The following TMEM132D variants were observed in gnomAD, a reference collection of about 807,000 sequenced individuals.
TMEM132D encodes mature OL transmembrane protein.
Under a neutral mutation model 62.3 loss-of-function variants are expected in TMEM132D, and 21 were observed. That is an observed-to-expected ratio of 0.34 (90% CI 0.24 to 0.49). TMEM132D has a LOEUF of 0.49. Ranked by LOEUF, TMEM132D falls within the 20% of genes least tolerant of loss-of-function variation. The probability of loss-of-function intolerance (pLI) is 0.99; values close to 1 mark genes in which losing one functional copy is unlikely to be tolerated. For missense variants in TMEM132D, 1,346 were observed against 1,402.8 expected (o/e 0.96, Z 0.65); for synonymous variants, 621 against 575.6 (o/e 1.08, Z -1.13).
At chr12:129,122,694 C>T (rs573228515) in intron 5 of TMEM132D, among the ~76,000 whole-genome samples, 11 of 152,324 alleles carry the variant, frequency 7.2e-5, no homozygotes, top group Admixed American at 6.5e-4. Context: ...ACATGAATTC[C>T]TTCTCATCAA....
At chr12:129,458,670 G>A (rs1195399831) in intron 3 of TMEM132D, among the ~76,000 whole-genome samples, 1 of 152,170 alleles carries the variant, frequency 6.6e-6, no homozygotes, top group Non-Finnish European at 1.5e-5. Flanking sequence ...AATAGTCCAG[G>A]AAATTGGCAG....
intron 3 of TMEM132D, among the ~76,000 whole-genome samples, chr12:129,482,615 G>A: frequency 6.6e-6 from 1 of 152,108 alleles, no homozygotes; most frequent in East Asian, 1.9e-4. Flanking sequence ...TACTACTCTG[G>A]TAATTAAAGA....
Position 129,127,375 on chromosome 12 carries a change from T to A in TMEM132D, c.1444-42673A>T, listed in dbSNP as rs1316461613. Among the ~76,000 whole-genome samples the A allele has an allele frequency of 2.0e-5, 3 of 152,300 alleles. No homozygotes were observed. In the East Asian group the frequency reaches 5.8e-4, roughly 29 times the overall value. On this transcript the variant is annotated intron_variant, in intron 5 of 8. Coordinates refer to ENST00000422113, the MANE Select transcript of TMEM132D (RefSeq NM_133448.3). ...AACTCCAGAGCAGCTGAGGCTAATT[T>A]CATTATAGTGGCTGGGACTCAATTA...
chr12:129,767,015 G>T (rs1870576558), intron 1 of TMEM132D, among the ~76,000 whole-genome samples: 1 of 152,206 alleles, frequency 6.6e-6, no homozygotes, highest in Admixed American at 6.5e-5. Flanking sequence ...CCCCTGGGCT[G>T]TTGCTCTCTG....
At chr12:129,533,781 A>G (rs1876298372) in intron 2 of TMEM132D, among the ~76,000 whole-genome samples, 1 of 151,252 alleles carries the variant, frequency 6.6e-6, no homozygotes, top group Non-Finnish European at 1.5e-5. Flanking sequence ...GGAATTTTAT[A>G]CAGGACACTG....
intron 1 of TMEM132D, among the ~76,000 whole-genome samples, chr12:129,749,374 A>G (rs889160719): frequency 6.6e-6 from 1 of 152,184 alleles, no homozygotes; most frequent in Non-Finnish European, 1.5e-5. Flanking sequence ...TAAAACTTTC[A>G]TGAACTGTCA....
chr12:129,683,812 C>A (rs1376840504), intron 2 of TMEM132D, among the ~76,000 whole-genome samples: 1 of 152,194 alleles, frequency 6.6e-6, no homozygotes, highest in Non-Finnish European at 1.5e-5. Flanking sequence ...TCCTTGCCCA[C>A]TCGAATCTGC....
At chr12:129,844,468 T>C (rs974023447) in intron 1 of TMEM132D, among the ~76,000 whole-genome samples, 1 of 152,160 alleles carries the variant, frequency 6.6e-6, no homozygotes, top group Admixed American at 6.5e-5. Flanking sequence ...ACAAATGTAA[T>C]CCCAATGTTT....
chr12:129,771,780 G>A (rs1470829173), intron 1 of TMEM132D, among the ~76,000 whole-genome samples: 1 of 152,208 alleles, frequency 6.6e-6, no homozygotes, highest in African/African-American at 2.4e-5. Context: ...CTCTGATGAC[G>A]AGAATTCAGG....
At chr12:129,815,387 C>G (rs969400391) in intron 1 of TMEM132D, among the ~76,000 whole-genome samples, 1 of 152,200 alleles carries the variant, frequency 6.6e-6, no homozygotes, top group Non-Finnish European at 1.5e-5. Flanking sequence ...TTCCCTGCCA[C>G]TTCTCACAGT....
At chr12:129,748,717 A>T (rs935838444) in intron 1 of TMEM132D, among the ~76,000 whole-genome samples, 1 of 152,220 alleles carries the variant, frequency 6.6e-6, no homozygotes, top group Non-Finnish European at 1.5e-5. Context: ...ACACGTGCTA[A>T]GCCAGTGGGC....
At chr12:129,460,320 C>T (rs1313042540) in intron 3 of TMEM132D, among the ~76,000 whole-genome samples, 1 of 152,118 alleles carries the variant, frequency 6.6e-6, no homozygotes, top group Non-Finnish European at 1.5e-5. Context: ...AGAACTGCCA[C>T]ACATCTCCTC....
At chr12:129,430,298 CGTT>C (rs1392778049) in intron 3 of TMEM132D, among the ~76,000 whole-genome samples, 3 of 152,148 alleles carry the variant, frequency 2.0e-5, no homozygotes, top group African/African-American at 7.2e-5. Flanking sequence ...GATGGCATCT[CGTT>C]GTGGTTTTGA....
intron 4 of TMEM132D, among the ~76,000 whole-genome samples, chr12:129,323,365 C>A (rs529015513): frequency 6.6e-6 from 1 of 152,164 alleles, no homozygotes; most frequent in South Asian, 2.1e-4. Flanking sequence ...CCTGCTATAG[C>A]CTTGGGGATT....
intron 5 of TMEM132D, among the ~76,000 whole-genome samples, chr12:129,199,779 T>C (rs139951391): frequency 0.039 from 5,966 of 152,134 alleles, 147 homozygotes; most frequent in Admixed American, 0.06. Context: ...CCATCAGATC[T>C]CATGACACTT....
chr12:129,499,401 A>G (rs1198945502), intron 3 of TMEM132D, among the ~76,000 whole-genome samples: 1 of 152,242 alleles, frequency 6.6e-6, no homozygotes, highest in Non-Finnish European at 1.5e-5. Flanking sequence ...AAGGAAAGCC[A>G]TGAATATGAG....
chr12:129,762,851 G>A (rs189574504), intron 1 of TMEM132D, among the ~76,000 whole-genome samples: 38 of 152,232 alleles, frequency 2.5e-4, no homozygotes, highest in East Asian at 5.8e-4. Context: ...TGTACCACCC[G>A]TGCAAACTCG....
At chr12:129,513,994 C>T (rs941494619) in intron 3 of TMEM132D, among the ~76,000 whole-genome samples, 11 of 150,886 alleles carry the variant, frequency 7.3e-5, no homozygotes, top group South Asian at 4.3e-4. Flanking sequence ...CCCGCCACCA[C>T]GCCTGGCTAA....
intron 4 of TMEM132D, among the ~76,000 whole-genome samples, chr12:129,247,523 T>G (rs911024903): frequency 9.8e-5 from 15 of 152,334 alleles, no homozygotes; most frequent in African/African-American, 3.6e-4. Flanking sequence ...CTCAGCAGCT[T>G]TCTCACCTGT....
Sources: allele counts gnomAD v4.1 joint callset (sites outside exome capture counted in the v4.1 genomes callset), GRCh38; gene constraint gnomAD v4.1.1; transcripts MANE v1.5; gene names NCBI Gene and HGNC (gene_info 2026-07-23, HGNC 2026-07-21).